The following ITPR2 variants were observed in gnomAD, a reference collection of about 807,000 sequenced individuals.
ITPR2 encodes the protein inositol 1,4,5-trisphosphate-gated calcium channel ITPR2.
In ITPR2, 207 loss-of-function variants were observed where a neutral mutation model predicts 317.1. The ratio of observed to expected loss-of-function variants is 0.65; its 90% CI spans 0.58 to 0.73. The LOEUF (loss-of-function observed/expected upper bound fraction) is 0.73. Among genes scored for constraint, ITPR2 ranks in the 30% least tolerant of loss-of-function variants. The pLI, the probability that ITPR2 is intolerant of heterozygous loss-of-function variation, is 0.00. For missense variants in ITPR2, 2,613 were observed against 3,284.0 expected (o/e 0.80, Z 4.99); for synonymous variants, 1,156 against 1,149.1 (o/e 1.01, Z -0.12).
rs1943505806 is a variant in ITPR2, at chr12:26,516,290, A to AGGAAAGGAAAGGAAAGGAAG, written c.5074-21031_5074-21030insCTTCCTTTCCTTTCCTTTCC. ...AGGAAAGGAAGGGAAGGGAAGGGAA[A>AGGAAAGGAAAGGAAAGGAAG]GGAAAGGAAAGGAAAGGAAAGGAAA... On this transcript the variant is annotated intron_variant, in intron 37 of 56. Transcript: ENST00000381340. 1.4e-4 allele frequency among the ~76,000 whole-genome samples: 7 copies of AGGAAAGGAAAGGAAAGGAAG among 49,716 alleles called. 1 individual carries two copies. In the South Asian group the frequency reaches 2.9e-3, roughly 21 times the overall value. 32.6% of individuals were successfully genotyped at this position (49,716 alleles called of 152,430 possible). A position where few individuals can be genotyped will look rare whatever the true frequency, so the allele number is the denominator to read the frequency against.
At position 26,556,378 on chromosome 12, in the gene ITPR2, A is replaced by G; in HGVS notation, c.4822-3T>C. 1 of 1,609,494 alleles carries G rather than the reference A, an allele frequency of 6.2e-7. No homozygotes were observed. Among genetic ancestry groups the G allele is most frequent in the Non-Finnish European group, 8.5e-7 (1 of 1,178,730 alleles). On this transcript the variant is annotated splice_region_variant and splice_polypyrimidine_tract_variant and intron_variant, in intron 35 of 56. Coordinates refer to ENST00000381340, the MANE Select transcript of ITPR2 (RefSeq NM_002223.4). The stretch of plus-strand genomic sequence containing the variant: ...TGCTCCAAGGAGGCCACTACATCCT[A>G]GGGAATGAAACACAAGAGAACCCAC...
rs1049377 is a variant in ITPR2, at chr12:26,338,307, T to G, written c.*1090A>C. ...TAAGAGATTTTTATCTTGCTACATT[T>G]TGAAAAGCCCTTACAGATACAGTTT... On this transcript the variant is annotated 3_prime_UTR_variant, in exon 57 of 57. Coordinates refer to ENST00000381340, the MANE Select transcript of ITPR2 (RefSeq NM_002223.4). 0.039 allele frequency: 6,011 copies of G among 152,764 alleles called. 169 individuals are homozygous for G. The highest frequency in any genetic ancestry group is 0.061 in the Middle Eastern group (18 of 294). 9.5% of individuals were successfully genotyped at this position (152,764 alleles called of 1,614,324 possible).
chr12:26,645,010 C>T (rs559896992), intron 21 of ITPR2, among the ~76,000 whole-genome samples: 19 of 152,296 alleles, frequency 1.2e-4, no homozygotes, highest in African/African-American at 4.3e-4. Context: ...ATGGAGACAG[C>T]CCTGAAGACA....
chr12:26,768,617 TC>T (rs2137143679), intron 2 of ITPR2, among the ~76,000 whole-genome samples: 1 of 145,820 alleles, frequency 6.9e-6, no homozygotes, highest in South Asian at 2.2e-4. Flanking sequence ...TCCTGACTGT[TC>T]CTCTAGCAAG....
chr12:26,460,465 A>T (rs2136781692), intron 45 of ITPR2, among the ~76,000 whole-genome samples: 1 of 152,324 alleles, frequency 6.6e-6, no homozygotes, highest in African/African-American at 2.4e-5. Flanking sequence ...GTTAACAGAA[A>T]CGAAATTAGT....
At chr12:26,400,785 G>A (rs1940152731) in intron 52 of ITPR2, 1 of 152,316 alleles carries the variant, frequency 6.6e-6, no homozygotes, top group Admixed American at 6.5e-5. Flanking sequence ...GGACTGCAGG[G>A]GAGAGAGCGT....
In ITPR2 at chr12:26,599,300, G is replaced by A. The variant is rs1945934743; in HGVS notation, c.3847C>T (p.His1283Tyr). ...TMRHIFMNNYHLCNEISERVV... is the reference protein window; with the variant it reads ...TMRHIFMNNYYLCNEISERVV... ...CTCTCGCTAATTTCGTTGCACAGAT[G>A]GTAATTGTTCATGAAGATGTGCCGC... The change falls in exon 30 of 57, where the codon CAT becomes TAT. Residue 1283 changes from histidine (H) to tyrosine (Y), a missense_variant. Coordinates refer to ENST00000381340, the MANE Select transcript of ITPR2 (RefSeq NM_002223.4). 1 of 1,613,972 alleles carries A rather than the reference G, an allele frequency of 6.2e-7. No homozygotes were observed.
chr12:26,787,961 G>A (rs914237913), intron 2 of ITPR2, among the ~76,000 whole-genome samples: 2 of 57,114 alleles, frequency 3.5e-5, no homozygotes, highest in African/African-American at 6.8e-5. Context: ...TTTCGCTTTT[G>A]TTGCCCAGGT....
In ITPR2 at chr12:26,463,285, C is replaced by A. The variant is rs150170850; in HGVS notation, c.6342+12011G>T. ...GTTAGTGGATATTTTCTAAAGCAGA[C>A]TTCTGTGCTATTTGTCTCTGCATTA... On this transcript the variant is annotated intron_variant, in intron 45 of 56. Transcript: ENST00000381340. Among the ~76,000 whole-genome samples, 109 of 152,272 alleles carry A rather than the reference C, an allele frequency of 7.2e-4. No individual in the cohort carries two copies. In the East Asian group the frequency reaches 0.018, roughly 25 times the overall value.
chr12:26,650,428 A>G (rs901777636), intron 21 of ITPR2, among the ~76,000 whole-genome samples: 1 of 152,202 alleles, frequency 6.6e-6, no homozygotes, highest in East Asian at 1.9e-4. Flanking sequence ...AGTGAACCCC[A>G]ATGTCAACGA....
chr12:26,605,746 A>G (rs1427691153), intron 26 of ITPR2, among the ~76,000 whole-genome samples: 1 of 152,218 alleles, frequency 6.6e-6, no homozygotes, highest in African/African-American at 2.4e-5. Context: ...GAATTGGTGA[A>G]AAATAATGAT....
chr12:26,667,215 C>A (rs1199831209), intron 13 of ITPR2, among the ~76,000 whole-genome samples: 2 of 152,190 alleles, frequency 1.3e-5, no homozygotes, highest in African/African-American at 4.8e-5. Flanking sequence ...TGGAAAACAT[C>A]TCTTTTCTTC....
At chr12:26,761,329 A>C (rs1004827763) in intron 2 of ITPR2, among the ~76,000 whole-genome samples, 3 of 152,392 alleles carry the variant, frequency 2.0e-5, no homozygotes, top group Admixed American at 6.5e-5. Flanking sequence ...AGACTAGACT[A>C]GATGCCTAAT....
chr12:26,497,177 G>A (rs549031003), intron 37 of ITPR2, among the ~76,000 whole-genome samples: 8 of 135,962 alleles, frequency 5.9e-5, no homozygotes, highest in Non-Finnish European at 1.1e-4. Context: ...TTTTTGAGAC[G>A]GAGTCTCGCT....
intron 54 of ITPR2, among the ~76,000 whole-genome samples, chr12:26,389,133 C>T (rs1056889549): frequency 1.3e-5 from 2 of 152,158 alleles, no homozygotes. Flanking sequence ...CCCAGGCCCC[C>T]CTGTTTCCAT....
chr12:26,660,166 A>T (rs938185710), intron 15 of ITPR2, among the ~76,000 whole-genome samples: 2 of 152,182 alleles, frequency 1.3e-5, no homozygotes, highest in Non-Finnish European at 2.9e-5. Flanking sequence ...GAAGGTGGCC[A>T]TTGTAGCTAG....
intron 54 of ITPR2, among the ~76,000 whole-genome samples, chr12:26,394,867 C>T (rs1483893261): frequency 3.3e-5 from 5 of 151,870 alleles, no homozygotes; most frequent in Non-Finnish European, 7.4e-5. Context: ...GCTAGGGCAC[C>T]TGGAAGAGAA....
chr12:26,575,890 A>G (rs190788243), intron 34 of ITPR2, among the ~76,000 whole-genome samples: 2 of 152,290 alleles, frequency 1.3e-5, no homozygotes, highest in East Asian at 3.9e-4. Flanking sequence ...TTTTCTCTCA[A>G]TGTATACATG....
chr12:26,536,132 A>T (rs1357817129), intron 37 of ITPR2, among the ~76,000 whole-genome samples: 1 of 152,226 alleles, frequency 6.6e-6, no homozygotes, highest in African/African-American at 2.4e-5. Context: ...CTTTGAGCCA[A>T]GATTTCTGGC....
Sources: gnomAD v4.1 joint callset for allele counts (sites outside exome capture counted in the v4.1 genomes callset) on GRCh38, gnomAD v4.1.1 for gene constraint, MANE v1.5 for transcripts, NCBI Gene and HGNC (gene_info 2026-07-23, HGNC 2026-07-21) for gene names.